Variants in PHKA1 observed in about 807,000 individuals in gnomAD.
The protein encoded by PHKA1 is phosphorylase kinase regulatory subunit alpha 1, also known as phosphorylase b kinase regulatory subunit alpha, skeletal muscle isoform.
In PHKA1, 60 loss-of-function variants were observed where a neutral mutation model predicts 110.2. The ratio of observed to expected loss-of-function variants is 0.54; its 90% confidence interval spans 0.44 to 0.68. The LOEUF is 0.68. PHKA1 is among the 30% of genes least tolerant of loss of function. The pLI is 0.00. For synonymous variants in PHKA1, 316 were observed against 333.6 expected, an observed-to-expected ratio of 0.95 and a Z score of 0.58; for missense variants, 801 against 942.5, an observed-to-expected ratio of 0.85 and a Z score of 1.97.
chrX:72,687,494 T>C (rs191125400), intron 4 of PHKA1, among the ~76,000 whole-genome samples: 2 of 111,482 alleles, frequency 1.8e-5, no homozygotes, highest in African/African-American at 6.5e-5. Context: ...CTACCACTTA[T>C]GTCCTTTTGC....
At chrX:72,665,156 G>A (rs2053603846) in intron 8 of PHKA1, among the ~76,000 whole-genome samples, 1 of 111,029 alleles carries the variant, frequency 9.0e-6, no homozygotes. Flanking sequence ...CAAACCATTA[G>A]CCAGACTAAG....
At position 72,681,483 on chromosome X, in the gene PHKA1, C is replaced by T. The variant is rs1274713904; in HGVS notation, c.537+3015G>A. On this transcript the variant is annotated intron_variant, in intron 5 of 31. Coordinates refer to ENST00000373542, the MANE Select transcript of PHKA1 (RefSeq NM_002637.4). ...CCCCCGCCCGGCCAGCCGTGCCATC[C>T]GGGAGGGAGGTGGGGGGGTCAGCCC... 2.5e-3 allele frequency among the ~76,000 whole-genome samples: 212 copies of T among 83,542 alleles called. No individual in the cohort carries two copies. The East Asian group carries it at 0.049, about 19-fold the overall frequency. 72.5% of individuals were successfully genotyped at this position (83,542 alleles called of 115,157 possible). A position where few individuals can be genotyped will look rare whatever the true frequency, so the allele number is the denominator to read the frequency against.
chrX:72,681,573 G>A (rs2053873811), intron 5 of PHKA1, among the ~76,000 whole-genome samples: 1 of 82,535 alleles, frequency 1.2e-5, no homozygotes, highest in Non-Finnish European at 2.5e-5. Flanking sequence ...CCGGCCAGCC[G>A]CCCCGTCCGG....
intron 6 of PHKA1, among the ~76,000 whole-genome samples, chrX:72,672,478 G>A (rs1474315808): frequency 3.6e-5 from 4 of 111,450 alleles, no homozygotes; most frequent in Non-Finnish European, 3.8e-5. Flanking sequence ...TGATGAGGGG[G>A]CCTGAGTGTG....
chrX:72,681,209 C>T (rs1440910709), intron 5 of PHKA1, among the ~76,000 whole-genome samples: 1 of 101,765 alleles, frequency 9.8e-6, no homozygotes, highest in Non-Finnish European at 2.0e-5. Flanking sequence ...CGCCTCTGCC[C>T]GGCCAAGACC....
chrX:72,624,475 C>T (rs1299570717), intron 17 of PHKA1, among the ~76,000 whole-genome samples: 1 of 111,497 alleles, frequency 9.0e-6, no homozygotes, highest in Non-Finnish European at 1.9e-5. Flanking sequence ...GCCACAGTGA[C>T]CACCTCTCAG....
At chrX:72,644,525 CA>C (rs1556296609) in intron 13 of PHKA1, 29 bp from the exon 14 acceptor site, 2 of 1,180,705 alleles carry the variant, frequency 1.7e-6, no homozygotes, top group Non-Finnish European at 2.3e-6. Context: ...ATGAGGTCAA[CA>C]GAAAATTTTA....
At chrX:72,635,109 A>G (rs782519613) in intron 16 of PHKA1, 46 bp downstream of exon 16, 1 of 1,197,857 alleles carries the variant, frequency 8.3e-7, no homozygotes, top group Non-Finnish European at 1.1e-6. Flanking sequence ...TAAATCTATG[A>G]CTTATTTCCA....
At chrX:72,654,398 C>G (rs1285934212) in intron 10 of PHKA1, among the ~76,000 whole-genome samples, 1 of 112,060 alleles carries the variant, frequency 8.9e-6, no homozygotes. Flanking sequence ...GCCTTGCCCT[C>G]TCTTCAGTTT....
intron 5 of PHKA1, among the ~76,000 whole-genome samples, chrX:72,680,685 C>T (rs1310053920): frequency 7.5e-5 from 8 of 106,023 alleles, no homozygotes; most frequent in South Asian, 4.0e-4. Flanking sequence ...ACAGTCGCGG[C>T]GCTGACGCCC....
intron 8 of PHKA1, among the ~76,000 whole-genome samples, chrX:72,658,017 A>T (rs2053516550): frequency 8.9e-6 from 1 of 112,153 alleles, no homozygotes; most frequent in South Asian, 3.8e-4. Context: ...TAAGCTTTTT[A>T]AAAAAACACA....
chrX:72,702,280 T>A (rs2054215083), intron 3 of PHKA1, among the ~76,000 whole-genome samples: 2 of 110,826 alleles, frequency 1.8e-5, no homozygotes, highest in Non-Finnish European at 3.8e-5. Flanking sequence ...AAACCCCATA[T>A]CTACTAAAAA....
chrX:72,713,773 G>A (rs782784450), intron 1 of PHKA1, 30 bp downstream of exon 1: 4 of 1,115,547 alleles, frequency 3.6e-6, no homozygotes, highest in Admixed American at 2.2e-5. Context: ...ATCCTCGCTC[G>A]GTGATTACGA....
At chrX:72,660,530 C>T in intron 8 of PHKA1, 1 of 396,419 alleles carries the variant, frequency 2.5e-6, no homozygotes, top group Middle Eastern at 5.0e-4. Flanking sequence ...TAGAATTGGA[C>T]CATAACAGCC....
intron 8 of PHKA1, among the ~76,000 whole-genome samples, chrX:72,664,163 A>T (rs187538363): frequency 4.3e-4 from 48 of 111,166 alleles, no homozygotes; most frequent in African/African-American, 1.5e-3. Context: ...GGATAACAAG[A>T]CTCACATGAT....
intron 23 of PHKA1, among the ~76,000 whole-genome samples, chrX:72,607,969 T>C (rs1556254446): frequency 1.8e-5 from 2 of 111,147 alleles, no homozygotes; most frequent in Non-Finnish European, 3.8e-5. Context: ...GTGGCCAACC[T>C]GGTACCTAAG....
chrX:72,695,370 T>G (rs1246775250), intron 4 of PHKA1, among the ~76,000 whole-genome samples: 1 of 111,717 alleles, frequency 9.0e-6, no homozygotes, highest in Non-Finnish European at 1.9e-5. Flanking sequence ...AATTAAAAAA[T>G]TTGGATTCTG....
intron 28 of PHKA1, 32 bp downstream of exon 28, chrX:72,601,959 A>C: frequency 8.9e-7 from 1 of 1,121,618 alleles, no homozygotes; most frequent in Non-Finnish European, 1.2e-6. Flanking sequence ...AAGGTAAGTT[A>C]AACCATGTTA....
Position 72,593,051 on chromosome X carries a change from G to C in PHKA1, c.3243+53C>G, listed in dbSNP as rs1329071258. On this transcript the variant is annotated intron_variant, in intron 29 of 31. Transcript: ENST00000373542. ...AGTCATGTCATATCTCTGCCAAGGA[G>C]ACTGAGAATTTCAAGGGGCAAAAAT... is the stretch of plus-strand genomic sequence containing the variant. 26 of 758,521 alleles carry C rather than the reference G, an allele frequency of 3.4e-5. No individual in the cohort carries two copies. In the East Asian group the frequency reaches 7.9e-4, roughly 23 times the overall value. The allele number at this position is 758,521 out of a possible 1,213,427, so 62.5% of individuals were successfully genotyped here.
Sources: allele counts gnomAD v4.1 joint callset (sites outside exome capture counted in the v4.1 genomes callset), GRCh38; gene constraint gnomAD v4.1.1; transcripts MANE v1.5; gene names NCBI Gene and HGNC (gene_info 2026-07-23, HGNC 2026-07-21).